XKR6: variants seen among roughly 807,000 people sequenced by gnomAD.
XKR6 encodes XK-related protein 6.
XKR6 carries 22 observed loss-of-function variants against 56.7 expected under a neutral mutation model. That is an observed-to-expected ratio of 0.39 (90% CI 0.28 to 0.55). XKR6 has a LOEUF of 0.55. XKR6 is among the 20% of genes least tolerant of loss of function. The pLI is 0.66. For synonymous variants in XKR6, 524 were observed against 387.8 expected (o/e 1.35, Z -4.13); for missense variants, 852 against 889.0 (o/e 0.96, Z 0.53).
intron 1 of XKR6, among the ~76,000 whole-genome samples, chr8:11,132,010 C>T (rs1426166131): frequency 6.6e-6 from 1 of 152,066 alleles, no homozygotes; most frequent in Non-Finnish European, 1.5e-5. Flanking sequence ...GCTGCTGGCC[C>T]GAAGAGCCAT....
In XKR6 at chr8:10,908,304, T is replaced by G. The variant is rs1295862264; in HGVS notation, c.962-9388A>C. ...AAACTGCAGCACGGCCAGCCTGTCC[T>G]CACTGATGTGCTAAGTCACCCCAGG... On this transcript the variant is annotated intron_variant, in intron 2 of 2. Transcript: ENST00000416569. Among the ~76,000 whole-genome samples, 3 of 152,080 alleles carry G rather than the reference T, an allele frequency of 2.0e-5. No individual in the cohort carries two copies. The South Asian group carries it at 6.3e-4, about 32-fold the overall frequency.
rs988183717 is a variant in XKR6 at position 10,951,300 on chromosome 8, G to GTGTGTGT, written c.765-26471_765-26470insACACACA. Among the ~76,000 whole-genome samples, 214 of 122,334 alleles carry GTGTGTGT rather than the reference G, an allele frequency of 1.7e-3. 4 individuals are homozygous for GTGTGTGT. Among genetic ancestry groups the GTGTGTGT allele is most frequent in the South Asian group, 7.5e-3 (32 of 4,294 alleles). The allele number at this position is 122,334 out of a possible 152,430, so 80.3% of individuals were successfully genotyped here. On this transcript the variant is annotated intron_variant, in intron 1 of 2. Coordinates refer to ENST00000416569, the MANE Select transcript of XKR6 (RefSeq NM_173683.4). ...GGATAGAAAAGTGTGTGTGTGTGTGGGGGGGGGGGGCCCCCACAGTGGTGA... is the reference window on the plus strand; with the variant it reads ...GGATAGAAAAGTGTGTGTGTGTGTGGTGTGTGTGGGGGGGGGGCCCCCACAGTGGTGA...
intron 1 of XKR6, among the ~76,000 whole-genome samples, chr8:10,955,948 G>A (rs140357242): frequency 1.3e-5 from 2 of 152,322 alleles, no homozygotes; most frequent in East Asian, 1.9e-4. Context: ...GGGCTTCAGG[G>A]CCCTGAGTGG....
intron 1 of XKR6, among the ~76,000 whole-genome samples, chr8:11,128,207 A>C (rs1799925413): frequency 6.6e-6 from 1 of 152,162 alleles, no homozygotes; most frequent in East Asian, 1.9e-4. Flanking sequence ...TCTGGTTTTC[A>C]CCTTACCCCA....
intron 1 of XKR6, among the ~76,000 whole-genome samples, chr8:11,110,406 T>C (rs758090896): frequency 1.3e-5 from 2 of 152,220 alleles, no homozygotes; most frequent in Non-Finnish European, 1.5e-5. Flanking sequence ...AGCCATCTAA[T>C]AGAAATGTTA....
At position 10,897,440 on chromosome 8, in the gene XKR6, T is replaced by C. The variant is rs1293125108; in HGVS notation, c.*512A>G. 2 of 152,702 alleles carry C rather than the reference T, an allele frequency of 1.3e-5. No homozygotes were observed. Among genetic ancestry groups the C allele is most frequent in the East Asian group, 3.8e-4 (2 of 5,202 alleles). The allele number at this position is 152,702 out of a possible 1,614,324, so 9.5% of individuals were successfully genotyped here. On this transcript the variant is annotated 3_prime_UTR_variant, in exon 3 of 3. Coordinates refer to ENST00000416569, the MANE Select transcript of XKR6 (RefSeq NM_173683.4). ...GCAAAAATCACCAGAGAGTTTTGCATGAGAAAACGTGACAGTACTTAATGA... is the reference window on the plus strand; with the variant it reads ...GCAAAAATCACCAGAGAGTTTTGCACGAGAAAACGTGACAGTACTTAATGA...
intron 2 of XKR6, among the ~76,000 whole-genome samples, chr8:10,903,277 C>T (rs1240066451): frequency 1.3e-5 from 2 of 152,180 alleles, no homozygotes; most frequent in Non-Finnish European, 2.9e-5. Context: ...ACTGTCGCTG[C>T]AATTCTTCCT....
intron 1 of XKR6, among the ~76,000 whole-genome samples, chr8:10,930,297 G>A (rs1027171136): frequency 2.6e-5 from 4 of 152,206 alleles, no homozygotes; most frequent in Non-Finnish European, 4.4e-5. Flanking sequence ...GCCCCAAACA[G>A]GGGTAAGCTC....
intron 1 of XKR6, among the ~76,000 whole-genome samples, chr8:11,094,855 G>C (rs1798216360): frequency 6.6e-6 from 1 of 152,160 alleles, no homozygotes; most frequent in Non-Finnish European, 1.5e-5. Flanking sequence ...ACTGACTGCT[G>C]CTTCTTTAAA....
chr8:10,919,466 A>T (rs1323317698), intron 2 of XKR6, among the ~76,000 whole-genome samples: 1 of 152,172 alleles, frequency 6.6e-6, no homozygotes, highest in African/African-American at 2.4e-5. Flanking sequence ...TATGCTCCCC[A>T]TTGTTCCTCC....
chr8:10,963,515 C>T (rs964029600), intron 1 of XKR6, among the ~76,000 whole-genome samples: 2 of 150,860 alleles, frequency 1.3e-5, no homozygotes, highest in Admixed American at 1.3e-4. Context: ...CACAGTGCCT[C>T]GAACAGGGCC....
chr8:11,015,710 G>C (rs1033648543), intron 1 of XKR6, among the ~76,000 whole-genome samples: 10 of 152,170 alleles, frequency 6.6e-5, no homozygotes, highest in African/African-American at 2.2e-4. Flanking sequence ...GAGCGAGGGA[G>C]CAGAGAAAGC....
intron 1 of XKR6, among the ~76,000 whole-genome samples, chr8:10,976,470 T>C (rs1053460278): frequency 6.6e-6 from 1 of 152,128 alleles, no homozygotes; most frequent in African/African-American, 2.4e-5. Context: ...GAGAACCAGA[T>C]ACGCCTGCAG....
intron 1 of XKR6, among the ~76,000 whole-genome samples, chr8:10,947,874 G>C (rs1305572677): frequency 6.6e-6 from 1 of 152,134 alleles, no homozygotes; most frequent in Non-Finnish European, 1.5e-5. Flanking sequence ...AGGGACCCAA[G>C]AGCCAAGGGA....
intron 1 of XKR6, among the ~76,000 whole-genome samples, chr8:11,129,845 A>G (rs1800014292): frequency 1.3e-5 from 2 of 151,658 alleles, no homozygotes; most frequent in Admixed American, 6.6e-5. Context: ...CAAGTTCACA[A>G]TAAATGTGTG....
At chr8:11,089,719 CT>C (rs1289919502) in intron 1 of XKR6, among the ~76,000 whole-genome samples, 2 of 152,144 alleles carry the variant, frequency 1.3e-5, no homozygotes, top group Non-Finnish European at 2.9e-5. Context: ...ACCCACTCAG[CT>C]TTGACAAAAT....
At chr8:10,948,633 G>A (rs572394949) in intron 1 of XKR6, among the ~76,000 whole-genome samples, 63 of 152,156 alleles carry the variant, frequency 4.1e-4, no homozygotes, top group Middle Eastern at 6.8e-3. Context: ...GGTCTGTCCC[G>A]TCCTCTAGCA....
intron 1 of XKR6, among the ~76,000 whole-genome samples, chr8:10,955,806 T>C (rs760829455): frequency 1.2e-4 from 18 of 152,092 alleles, no homozygotes; most frequent in Non-Finnish European, 2.1e-4. Flanking sequence ...GTAACAGAGG[T>C]AGGATGAGAT....
chr8:11,168,366 T>C (rs1802192521), intron 1 of XKR6, among the ~76,000 whole-genome samples: 1 of 152,142 alleles, frequency 6.6e-6, no homozygotes, highest in African/African-American at 2.4e-5. Flanking sequence ...ATTATAAACA[T>C]AAATGCACCA....
Sources: allele counts gnomAD v4.1 joint callset (sites outside exome capture counted in the v4.1 genomes callset), GRCh38; gene constraint gnomAD v4.1.1; transcripts MANE v1.5; gene names NCBI Gene and HGNC (gene_info 2026-07-23, HGNC 2026-07-21).